Variants in CSMD1 observed in about 807,000 individuals in gnomAD.
The protein encoded by CSMD1 is CUB and sushi domain-containing protein 1.
A neutral mutation model predicts 417.5 loss-of-function variants in CSMD1; 213 were observed. That is an observed-to-expected ratio of 0.51 (90% CI 0.46 to 0.57). CSMD1 has a LOEUF of 0.57. Among genes scored for constraint, CSMD1 ranks in the 20% least tolerant of loss-of-function variants. The pLI is 0.00. For missense variants in CSMD1, 6,923 were observed against 4,529.7 expected, an observed-to-expected ratio of 1.53 and a Z score of -15.17; for synonymous variants, 2,862 against 1,736.8, an observed-to-expected ratio of 1.65 and a Z score of -16.11.
Position 2,955,651 on chromosome 8 carries a change from C to A in CSMD1, c.9932G>T (p.Gly3311Val), listed in dbSNP as rs750305796. 1 of 1,613,890 alleles carries A rather than the reference C, an allele frequency of 6.2e-7. No individual in the cohort carries two copies. Among genetic ancestry groups the A allele is most frequent in the South Asian group, 1.1e-5 (1 of 91,078 alleles). Reference sequence around the variant, plus strand: ...TGCTTTACATGTTCTGTGCTCAGATCCCCCTGCGAGGAAAAAGCCTGGATG... The same window carrying A: ...TGCTTTACATGTTCTGTGCTCAGATACCCCTGCGAGGAAAAAGCCTGGATG... ...TCHPGFFLAG[G>V]SEHRTCKADM... Residue 3311 changes from glycine to valine, a missense_variant, in exon 64 of 70, where the codon GGA (glycine) becomes GTA (valine). By Grantham distance (109) the Gly-to-Val change is moderately radical. Transcript: ENST00000635120.
chr8:3,369,075 G>A (rs576567251), intron 19 of CSMD1, among the ~76,000 whole-genome samples, 179 bp downstream of exon 19: 2 of 152,142 alleles, frequency 1.3e-5, no homozygotes, highest in Non-Finnish European at 2.9e-5. Context: ...GGTTTTTATT[G>A]TACAGTTGAA....
At chr8:4,367,878 C>A (rs77004502) in intron 3 of CSMD1, among the ~76,000 whole-genome samples, 1 of 152,106 alleles carries the variant, frequency 6.6e-6, no homozygotes, top group Non-Finnish European at 1.5e-5. Flanking sequence ...TATAGAAATG[C>A]TACTAATTTT....
intron 23 of CSMD1, among the ~76,000 whole-genome samples, chr8:3,310,108 G>C (rs1227759051): frequency 6.6e-6 from 1 of 152,192 alleles, no homozygotes; most frequent in Non-Finnish European, 1.5e-5. Flanking sequence ...ACAAAGGGGA[G>C]GTAGAAATTA....
intron 5 of CSMD1, among the ~76,000 whole-genome samples, chr8:3,895,087 T>C (rs1175704086): frequency 3.3e-5 from 5 of 152,300 alleles, no homozygotes; most frequent in Middle Eastern, 3.4e-3. Context: ...TAATTAAACA[T>C]TCAAGGACTT....
chr8:4,016,086 T>C (rs375547946), intron 4 of CSMD1, among the ~76,000 whole-genome samples: 3 of 152,180 alleles, frequency 2.0e-5, no homozygotes, highest in East Asian at 1.9e-4. Context: ...TACCCATTAA[T>C]ATTTACCAGG....
At chr8:3,624,623 A>G (rs976241958) in intron 7 of CSMD1, among the ~76,000 whole-genome samples, 4 of 152,170 alleles carry the variant, frequency 2.6e-5, no homozygotes, top group Non-Finnish European at 5.9e-5. Context: ...AACCATCAGG[A>G]AAGTGGTTAT....
At chr8:3,795,906 ATGTACAGATATAGATATCTATC>A (rs1453910039) in intron 5 of CSMD1, among the ~76,000 whole-genome samples, 2 of 41,076 alleles carry the variant, frequency 4.9e-5, no homozygotes, top group African/African-American at 1.4e-4. Flanking sequence ...TATATATATC[ATGTACAGATATAGATATCTATC>A]ATGTACAGAT....
chr8:3,669,798 G>C (rs767590006), intron 7 of CSMD1, among the ~76,000 whole-genome samples: 1 of 152,134 alleles, frequency 6.6e-6, no homozygotes, highest in Non-Finnish European at 1.5e-5. Flanking sequence ...GGATCCACGT[G>C]CAGCCCTAAC....
intron 54 of CSMD1, among the ~76,000 whole-genome samples, chr8:2,981,695 C>G (rs1324269771): frequency 6.6e-6 from 1 of 152,074 alleles, no homozygotes; most frequent in African/African-American, 2.4e-5. Context: ...TTCAGCCCAG[C>G]AGGGAGAAGT....
intron 25 of CSMD1, among the ~76,000 whole-genome samples, chr8:3,301,096 C>T (rs1244007305): frequency 6.6e-6 from 1 of 151,410 alleles, no homozygotes; most frequent in East Asian, 1.9e-4. Context: ...CCATTGATGT[C>T]TATAGGGGAA....
chr8:3,201,177 TACATGTGA>T (rs1796972095), intron 32 of CSMD1, among the ~76,000 whole-genome samples: 1 of 152,222 alleles, frequency 6.6e-6, no homozygotes, highest in African/African-American at 2.4e-5. Context: ...TATGCATGTA[TACATGTGA>T]ACACGTGTAC....
intron 1 of CSMD1, among the ~76,000 whole-genome samples, chr8:4,676,741 T>C (rs766667368): frequency 4.6e-5 from 7 of 152,016 alleles, no homozygotes; most frequent in Non-Finnish European, 1.0e-4. Flanking sequence ...CCAGCCCTCC[T>C]GCCCTTAGTT....
intron 23 of CSMD1, among the ~76,000 whole-genome samples, chr8:3,336,860 T>C (rs1257201456): frequency 1.3e-5 from 2 of 152,178 alleles, no homozygotes; most frequent in African/African-American, 4.8e-5. Flanking sequence ...CCTTAATCTG[T>C]AGCATGTCTG....
chr8:3,295,772 T>C (rs529229115), intron 25 of CSMD1, among the ~76,000 whole-genome samples: 5 of 152,168 alleles, frequency 3.3e-5, no homozygotes, highest in Admixed American at 1.3e-4. Flanking sequence ...TATAGAAAAT[T>C]TGATGGTTGT....
At chr8:4,019,199 G>A (rs1475439093) in intron 4 of CSMD1, among the ~76,000 whole-genome samples, 5 of 152,136 alleles carry the variant, frequency 3.3e-5, no homozygotes, top group Admixed American at 6.5e-5. Context: ...GGTTTATTAT[G>A]GACAATAAAC....
intron 3 of CSMD1, among the ~76,000 whole-genome samples, chr8:4,412,315 G>A (rs900595177): frequency 6.6e-6 from 1 of 152,016 alleles, no homozygotes; most frequent in East Asian, 1.9e-4. Flanking sequence ...CCTGGACACA[G>A]CGCAAAAGAT....
chr8:3,706,940 G>C (rs930220456), intron 7 of CSMD1, among the ~76,000 whole-genome samples: 2 of 151,794 alleles, frequency 1.3e-5, no homozygotes, highest in Admixed American at 1.3e-4. Flanking sequence ...TCATTAAAGG[G>C]TGACTGGCTG....
intron 5 of CSMD1, among the ~76,000 whole-genome samples, chr8:3,975,318 A>C (rs1480554364): frequency 6.6e-6 from 1 of 152,174 alleles, no homozygotes; most frequent in Admixed American, 6.6e-5. Context: ...ATGCCCTTAG[A>C]ACAGTTTGGA....
chr8:3,130,332 C>T (rs1226322139), intron 41 of CSMD1, among the ~76,000 whole-genome samples: 1 of 152,022 alleles, frequency 6.6e-6, no homozygotes, highest in Admixed American at 6.5e-5. Flanking sequence ...AATTGTACGT[C>T]GTGCATACAG....
Sources: gnomAD v4.1 joint callset for allele counts (sites outside exome capture counted in the v4.1 genomes callset) on GRCh38, gnomAD v4.1.1 for gene constraint, MANE v1.5 for transcripts, NCBI Gene and HGNC (gene_info 2026-07-23, HGNC 2026-07-21) for gene names.